Variants in IMMP2L observed in about 807,000 individuals in gnomAD.
The protein encoded by IMMP2L is inner mitochondrial membrane peptidase subunit 2.
In IMMP2L, 18 loss-of-function variants were observed where a neutral mutation model predicts 19.3. That is an observed-to-expected ratio of 0.93 (90% CI 0.64 to 1.38). IMMP2L has a LOEUF of 1.38. Among genes scored for constraint, IMMP2L ranks in the 40% most tolerant of loss-of-function variants. IMMP2L has a pLI of 0.00. For synonymous variants in IMMP2L, 76 were observed against 73.0 expected (o/e 1.04, Z -0.21); for missense variants, 233 against 218.2 (o/e 1.07, Z -0.43).
intron 4 of IMMP2L, among the ~76,000 whole-genome samples, chr7:110,933,738 C>T (rs1815760514): frequency 6.6e-6 from 1 of 152,088 alleles, no homozygotes; most frequent in Admixed American, 6.6e-5. Context: ...GCTCTGATCC[C>T]AGAGACTCTT....
chr7:110,819,083 T>C lies in IMMP2L; in HGVS notation c.408+67510A>G, dbSNP rs180679893. Among the ~76,000 whole-genome samples, 725 of 151,550 alleles carry C rather than the reference T, an allele frequency of 4.8e-3. 19 individuals carry two copies. The highest frequency in any genetic ancestry group is 0.033 in the Admixed American group (503 of 15,184). ...ATGTAACAAACCTGCACATTGTGCA[T>C]ATGTACCCTAAAACTTAAAGTATAA... On this transcript the variant is annotated intron_variant, in intron 5 of 5. Transcript: ENST00000405709.
chr7:111,110,248 G>A (rs1184358919), intron 3 of IMMP2L, among the ~76,000 whole-genome samples: 2 of 152,112 alleles, frequency 1.3e-5, no homozygotes, highest in Non-Finnish European at 1.5e-5. Flanking sequence ...TAGGGAAAAT[G>A]ATATTCTTTT....
At chr7:111,211,397 G>C (rs1811294202) in intron 3 of IMMP2L, among the ~76,000 whole-genome samples, 1 of 152,174 alleles carries the variant, frequency 6.6e-6, no homozygotes. Context: ...AAAGACATAA[G>C]AAAGACACTT....
chr7:110,777,622 T>C (rs1799479325), intron 5 of IMMP2L, among the ~76,000 whole-genome samples: 1 of 152,024 alleles, frequency 6.6e-6, no homozygotes, highest in African/African-American at 2.4e-5. Flanking sequence ...TCTTATGTTA[T>C]ATAAGCTTCA....
Position 111,278,531 on chromosome 7 carries a change from A to G in IMMP2L, c.239+208707T>C, listed in dbSNP as rs187625654. Among the ~76,000 whole-genome samples the G allele has an allele frequency of 3.1e-3, 465 of 152,286 alleles. 2 individuals carry two copies. The highest frequency in any genetic ancestry group is 5.4e-3 in the South Asian group (26 of 4,830). ...ATAACCATTGTCAATGCTTCACTAA[A>G]ACATCATTCCAGTTTCTCTCTACAC... is the stretch of plus-strand genomic sequence containing the variant. On this transcript the variant is annotated intron_variant, in intron 3 of 5. Transcript: ENST00000405709.
chr7:111,289,455 CA>C (rs1379561740), intron 3 of IMMP2L, among the ~76,000 whole-genome samples: 2 of 150,768 alleles, frequency 1.3e-5, no homozygotes, highest in Admixed American at 1.3e-4. Context: ...AAGTTGGTGG[CA>C]AATTCTGAAT....
chr7:111,278,864 A>T (rs1208423571), intron 3 of IMMP2L, among the ~76,000 whole-genome samples: 4 of 152,124 alleles, frequency 2.6e-5, no homozygotes, highest in Non-Finnish European at 4.4e-5. Context: ...TCTACCTCTA[A>T]TCCAACTTTT....
At chr7:111,300,699 T>G (rs1822125079) in intron 3 of IMMP2L, among the ~76,000 whole-genome samples, 1 of 152,162 alleles carries the variant, frequency 6.6e-6, no homozygotes, top group Non-Finnish European at 1.5e-5. Flanking sequence ...ATAAAGGTAT[T>G]CACTTGTGAC....
At chr7:110,839,102 C>T (rs1310937684) in intron 5 of IMMP2L, among the ~76,000 whole-genome samples, 1 of 151,988 alleles carries the variant, frequency 6.6e-6, no homozygotes, top group East Asian at 1.9e-4. Context: ...TTCATTTGAA[C>T]CATCTTAATA....
intron 3 of IMMP2L, among the ~76,000 whole-genome samples, chr7:111,401,926 T>C (rs945773309): frequency 2.0e-5 from 3 of 151,826 alleles, no homozygotes; most frequent in African/African-American, 7.3e-5. Context: ...AGACTGTTTA[T>C]CATGTTATAA....
rs2129589506 is a variant in IMMP2L at position 111,123,428 on chromosome 7, T to C, written c.240-159863A>G. 1 of 1,613,666 alleles carries C rather than the reference T, an allele frequency of 6.2e-7. No individual in the cohort carries two copies. The highest frequency in any genetic ancestry group is 8.5e-7 in the Non-Finnish European group (1 of 1,179,858). ...CTTATCAATCTTCGCAGCCTGGTTA[T>C]AGCTGGTATAAACCTCACAGAAATA... On this transcript the variant is annotated intron_variant, in intron 3 of 5. Transcript: ENST00000405709. The surrounding 1 kb of genome is among the most constrained non-coding windows in gnomAD (Gnocchi z 6.4).
chr7:111,051,145 A>T (rs1792967095), intron 3 of IMMP2L, among the ~76,000 whole-genome samples: 1 of 152,202 alleles, frequency 6.6e-6, no homozygotes, highest in Non-Finnish European at 1.5e-5. Flanking sequence ...CTCAAAATTT[A>T]AAAATAAACA....
Position 110,732,771 on chromosome 7 carries a change from A to C in IMMP2L, c.409-69050T>G, listed in dbSNP as rs142391488. On this transcript the variant is annotated intron_variant, in intron 5 of 5. Coordinates refer to ENST00000405709, the MANE Select transcript of IMMP2L (RefSeq NM_032549.4). ...AAAAGTTGATGAATGGAAAAGATGA[A>C]GGCTCAAGCACAATGAATTTCTTTT... 3.5e-3 allele frequency among the ~76,000 whole-genome samples: 528 copies of C among 152,122 alleles called. 5 individuals are homozygous for C. Among genetic ancestry groups the C allele is most frequent in the South Asian group, 0.019 (91 of 4,812 alleles).
intron 3 of IMMP2L, among the ~76,000 whole-genome samples, chr7:111,229,225 CT>C (rs1314683543): frequency 6.6e-6 from 1 of 151,862 alleles, no homozygotes; most frequent in Non-Finnish European, 1.5e-5. Context: ...TTTTATAATA[CT>C]TTTTTAAAAC....
intron 3 of IMMP2L, among the ~76,000 whole-genome samples, chr7:111,406,680 C>G (rs899727640): frequency 6.6e-6 from 1 of 151,990 alleles, no homozygotes; most frequent in Non-Finnish European, 1.5e-5. Context: ...TTATTCAGGT[C>G]TCTGATCAAA....
Position 111,521,307 on chromosome 7 carries a change from T to G in IMMP2L, c.135+6A>C, listed in dbSNP as rs372350258. On this transcript the variant is annotated splice_donor_region_variant and intron_variant, in intron 2 of 5. Coordinates refer to ENST00000405709, the MANE Select transcript of IMMP2L (RefSeq NM_032549.4). ...GCTTTAAAGAACGAAGTTATATCAT[T>G]TTCACCTGCATCGATGCTCCTTCTA... 1 of 1,609,546 alleles carries G rather than the reference T, an allele frequency of 6.2e-7. No homozygotes were observed. Among genetic ancestry groups the G allele is most frequent in the Non-Finnish European group, 8.5e-7 (1 of 1,177,998 alleles).
At position 110,701,024 on chromosome 7, in the gene IMMP2L, A is replaced by G. The variant is rs558501555; in HGVS notation, c.409-37303T>C. Among the ~76,000 whole-genome samples the G allele has an allele frequency of 5.9e-5, 9 of 152,334 alleles. No homozygotes were observed. In the South Asian group the frequency reaches 1.5e-3, roughly 25 times the overall value. On this transcript the variant is annotated intron_variant, in intron 5 of 5. Coordinates refer to ENST00000405709, the MANE Select transcript of IMMP2L (RefSeq NM_032549.4). Reference sequence around the variant, plus strand: ...TTATTTTTAACAGACCTAAATTATTATGAAGGGTTACAGTTAAGGAATCTG... The same window carrying G: ...TTATTTTTAACAGACCTAAATTATTGTGAAGGGTTACAGTTAAGGAATCTG...
At chr7:110,844,523 C>T (rs994421966) in intron 5 of IMMP2L, among the ~76,000 whole-genome samples, 7 of 151,850 alleles carry the variant, frequency 4.6e-5, no homozygotes, top group Non-Finnish European at 1.0e-4. Flanking sequence ...TTGTAACAAA[C>T]GGATGGGGGT....
chr7:111,390,160 G>T (rs1163206992), intron 3 of IMMP2L, among the ~76,000 whole-genome samples: 1 of 152,008 alleles, frequency 6.6e-6, no homozygotes. Context: ...CTTCAACATC[G>T]CCACAGCTGC....
Sources: allele counts gnomAD v4.1 joint callset (sites outside exome capture counted in the v4.1 genomes callset), GRCh38; gene constraint gnomAD v4.1.1; non-coding constraint Gnocchi (gnomAD v3.1); transcripts MANE v1.5; gene names NCBI Gene and HGNC (gene_info 2026-07-23, HGNC 2026-07-21).